COLEC12: variants seen among roughly 807,000 people sequenced by gnomAD.
COLEC12 encodes the protein collectin subfamily member 12.
Under a neutral mutation model 71.1 loss-of-function variants are expected in COLEC12, and 33 were observed. That is an observed-to-expected ratio of 0.46 (90% CI 0.35 to 0.62). The LOEUF (loss-of-function observed/expected upper bound fraction) is 0.62. Among genes scored for constraint, COLEC12 ranks in the 20% least tolerant of loss-of-function variants. COLEC12 has a pLI of 0.00. For synonymous variants in COLEC12, 350 were observed against 353.0 expected, an observed-to-expected ratio of 0.99 and a Z score of 0.10; for missense variants, 765 against 916.1, an observed-to-expected ratio of 0.84 and a Z score of 2.13.
intron 5 of COLEC12, among the ~76,000 whole-genome samples, chr18:336,181 C>T (rs986300018): frequency 2.6e-5 from 4 of 152,124 alleles, no homozygotes; most frequent in Non-Finnish European, 5.9e-5. Context: ...GCTGGCATGC[C>T]TGTGCTGTCC....
chr18:496,194 ACT>A (rs1057389082), intron 1 of COLEC12, among the ~76,000 whole-genome samples: 5 of 152,140 alleles, frequency 3.3e-5, no homozygotes, highest in African/African-American at 1.2e-4. Flanking sequence ...AAAATGAGAT[ACT>A]CTGTTATGAC....
chr18:406,056 G>A (rs996554837), intron 2 of COLEC12, among the ~76,000 whole-genome samples: 22 of 152,260 alleles, frequency 1.4e-4, no homozygotes, highest in African/African-American at 4.8e-4. Flanking sequence ...AGATGGCAAT[G>A]AGAGTGACCC....
chr18:468,666 A>G (rs72853162), intron 2 of COLEC12, among the ~76,000 whole-genome samples: 2,228 of 152,306 alleles, frequency 0.015, 54 homozygotes, highest in Non-Finnish European at 0.015. Flanking sequence ...GCATTTATGG[A>G]GTACCTTTTA....
chr18:370,073 G>A (rs545183396), intron 2 of COLEC12, among the ~76,000 whole-genome samples: 9 of 152,310 alleles, frequency 5.9e-5, no homozygotes, highest in African/African-American at 2.2e-4. Context: ...TTCATGAGAT[G>A]CATAAATGAC....
intron 8 of COLEC12, among the ~76,000 whole-genome samples, chr18:325,590 C>T (rs1913818163): frequency 7.1e-6 from 1 of 141,836 alleles, no homozygotes; most frequent in Admixed American, 7.4e-5. Context: ...CACATGCTTA[C>T]ACCTATACTC....
At chr18:415,105 T>C (rs722725) in intron 2 of COLEC12, among the ~76,000 whole-genome samples, 36,784 of 152,196 alleles carry the variant, frequency 0.24, 5,027 homozygotes, top group East Asian at 0.41. Context: ...CAGCATTACA[T>C]ACACTGGAGA....
In COLEC12 at chr18:387,027, C is replaced by T. The variant is rs73356552; in HGVS notation, c.59-29505G>A. 3.2e-3 allele frequency among the ~76,000 whole-genome samples: 490 copies of T among 152,238 alleles called. 4 individuals are homozygous for T. The highest frequency in any genetic ancestry group is 0.011 in the African/African-American group (469 of 41,536). On this transcript the variant is annotated intron_variant, in intron 2 of 9. Transcript: ENST00000400256. ...GGTGCCCACATTGCTGCCCCATGAT[C>T]GCTAAGACTGTTGTCTATGCTTTAT...
At chr18:491,932 T>C (rs2143791344) in intron 1 of COLEC12, among the ~76,000 whole-genome samples, 1 of 152,346 alleles carries the variant, frequency 6.6e-6, no homozygotes, top group South Asian at 2.1e-4. Flanking sequence ...TTTCCAGTCT[T>C]GGCATTTCTG....
intron 2 of COLEC12, among the ~76,000 whole-genome samples, chr18:471,868 A>G (rs894021439): frequency 6.6e-6 from 1 of 152,124 alleles, no homozygotes; most frequent in African/African-American, 2.4e-5. Context: ...TAATTTCGAA[A>G]AGGACTTGTG....
chr18:348,638 C>T lies in COLEC12; in HGVS notation c.182-475G>A, dbSNP rs609737. Among the ~76,000 whole-genome samples the T allele has an allele frequency of 1.6e-3, 249 of 152,260 alleles. 1 individual carries two copies. Among genetic ancestry groups the T allele is most frequent in the Non-Finnish European group, 3.0e-3 (206 of 68,022 alleles). On this transcript the variant is annotated intron_variant, in intron 3 of 9. Transcript: ENST00000400256. ...AAGGAAAACCCAGCTCAATTCTATA[C>T]ACAAAATCGGCATAGAAAGGTTGCA... is the stretch of plus-strand genomic sequence containing the variant.
intron 2 of COLEC12, among the ~76,000 whole-genome samples, chr18:464,259 G>A (rs919339119): frequency 3.9e-5 from 6 of 152,168 alleles, no homozygotes; most frequent in African/African-American, 1.4e-4. Flanking sequence ...CAGAAGTCAT[G>A]AGTCACTATT....
chr18:378,240 G>T (rs1212562445), intron 2 of COLEC12, among the ~76,000 whole-genome samples: 5 of 152,134 alleles, frequency 3.3e-5, no homozygotes, highest in Admixed American at 6.6e-5. Flanking sequence ...GTTTTCAACT[G>T]CCTGGCGCTC....
chr18:407,394 G>A (rs769987654), intron 2 of COLEC12, among the ~76,000 whole-genome samples: 3 of 152,148 alleles, frequency 2.0e-5, no homozygotes, highest in Non-Finnish European at 4.4e-5. Flanking sequence ...ATCTGCAGTC[G>A]GCAAGCTGGA....
In COLEC12 at chr18:318,365, G is replaced by A. The variant is rs748106017; in HGVS notation, c.*1680C>T. 1 of 152,010 alleles carries A rather than the reference G, an allele frequency of 6.6e-6. No individual in the cohort carries two copies. Among genetic ancestry groups the A allele is most frequent in the African/African-American group, 2.4e-5 (1 of 41,350 alleles). 9.4% of individuals were successfully genotyped at this position (152,010 alleles called of 1,614,324 possible). ...GGGAGGGAGAAGGAATCTGTTGGAT[G>A]GAAATCTTACCTTTGAGCATCAGTT... On this transcript the variant is annotated 3_prime_UTR_variant, in exon 10 of 10. Coordinates refer to ENST00000400256, the MANE Select transcript of COLEC12 (RefSeq NM_130386.3).
At chr18:488,881 GA>G (rs58356675) in intron 1 of COLEC12, among the ~76,000 whole-genome samples, 4 of 142,182 alleles carry the variant, frequency 2.8e-5, no homozygotes, top group Non-Finnish European at 3.1e-5. Flanking sequence ...TCAAAAAAAA[GA>G]AAAAAAAAAG....
intron 2 of COLEC12, among the ~76,000 whole-genome samples, chr18:439,573 A>T (rs918427339): frequency 1.4e-4 from 21 of 151,834 alleles, no homozygotes; most frequent in Non-Finnish European, 4.4e-5. Flanking sequence ...TTTTAAAAAT[A>T]AGGTTATTGA....
chr18:383,687 C>T (rs1915283135), intron 2 of COLEC12, among the ~76,000 whole-genome samples: 1 of 152,202 alleles, frequency 6.6e-6, no homozygotes, highest in Admixed American at 6.5e-5. Flanking sequence ...TCTCCACACT[C>T]TACCTGGGTA....
Position 347,329 on chromosome 18 carries a change from C to A in COLEC12, c.293G>T (p.Gly98Val). The stretch of plus-strand genomic sequence containing the variant: ...TGAGTTGGTGCTGATAGCTTTCTTC[C>A]CAGTTTGGTCACCTGGAATAAGAAA... Reference protein sequence around the residue: ...SDLKKLGDQTGKKAISTNSEL... With the variant: ...SDLKKLGDQTVKKAISTNSEL... Residue 98 changes from glycine to valine, a missense_variant, in exon 5 of 10, where the codon GGG becomes GTG. Gly to Val is a moderately radical substitution (Grantham distance 109). Transcript: ENST00000400256. The A allele has an allele frequency of 6.2e-7, 1 of 1,610,342 alleles. No individual in the cohort carries two copies. Among genetic ancestry groups the A allele is most frequent in the Non-Finnish European group, 8.5e-7 (1 of 1,177,296 alleles).
chr18:486,334 G>A (rs140083692), intron 1 of COLEC12, among the ~76,000 whole-genome samples: 5 of 152,150 alleles, frequency 3.3e-5, no homozygotes, highest in South Asian at 2.1e-4. Flanking sequence ...ACAGGCCTGC[G>A]CCATTATGCC....
Sources: allele counts gnomAD v4.1 joint callset (sites outside exome capture counted in the v4.1 genomes callset), GRCh38; gene constraint gnomAD v4.1.1; transcripts MANE v1.5; gene names NCBI Gene and HGNC (gene_info 2026-07-23, HGNC 2026-07-21).